The following PANK4 variants were observed in gnomAD, a reference collection of about 807,000 sequenced individuals.
PANK4 encodes pantothenate kinase 4 (inactive).
A neutral mutation model predicts 87.9 loss-of-function variants in PANK4; 40 were observed. The ratio of observed to expected loss-of-function variants is 0.46; its 90% CI spans 0.35 to 0.59. The LOEUF is 0.59. Among genes scored for constraint, PANK4 ranks in the 20% least tolerant of loss-of-function variants. PANK4 has a pLI of 0.00. For missense variants in PANK4, 926 were observed against 1,072.3 expected (o/e 0.86, Z 1.90); for synonymous variants, 524 against 467.4 (o/e 1.12, Z -1.56).
chr1:2,517,014 C>T (rs952773156), intron 9 of PANK4, among the ~76,000 whole-genome samples: 5 of 152,232 alleles, frequency 3.3e-5, no homozygotes, highest in African/African-American at 9.6e-5. Flanking sequence ...CTGAACGGGG[C>T]CCCCGAAGCA....
chr1:2,518,506 C>T lies in PANK4; in HGVS notation c.1117+10G>A, dbSNP rs377322433. On this transcript the variant is annotated intron_variant, in intron 8 of 18. Transcript: ENST00000378466. ...CCACGCTGCTCAGGGGCGCCAGCAC[C>T]GCGACTCACTGTCCTGCTCAGCTCC... is the stretch of plus-strand genomic sequence containing the variant. 751 of 1,555,666 alleles carry T rather than the reference C, an allele frequency of 4.8e-4. 2 individuals are homozygous for T. The highest frequency in any genetic ancestry group is 5.5e-4 in the Non-Finnish European group (635 of 1,148,894).
At chr1:2,511,197 G>C (rs1435817429) in intron 15 of PANK4, 141 bp downstream of exon 15, 9 of 681,994 alleles carry the variant, frequency 1.3e-5, no homozygotes, top group Non-Finnish European at 2.4e-5. Flanking sequence ...GGGATGCTGA[G>C]ACCCTTGGCT....
In PANK4 at chr1:2,519,248, G is replaced by C. The variant is rs746953629; in HGVS notation, c.930C>G (p.His310Gln). The C allele has an allele frequency of 1.2e-6, 2 of 1,612,490 alleles. No individual in the cohort carries two copies. Among genetic ancestry groups the C allele is most frequent in the Non-Finnish European group, 1.7e-6 (2 of 1,179,750 alleles). ...CGCGGTCCAGGCTGTGCAGCCGTGC[G>C]TGGAGGCAGGCCAGCTGCCCAATGT... Reference protein sequence around the residue: ...SNDIGQLACLHARLHSLDRVY... With the variant: ...SNDIGQLACLQARLHSLDRVY... Residue 310 changes from histidine (H) to glutamine (Q), a missense_variant, in exon 7 of 19, where the codon CAC becomes CAG. Coordinates refer to ENST00000378466, the MANE Select transcript of PANK4 (RefSeq NM_018216.4). The surrounding 1 kb of genome is among the most constrained non-coding windows in gnomAD (Gnocchi z 8.3).
Position 2,510,721 on chromosome 1 carries a change from C to A in PANK4, c.1895G>T (p.Gly632Val). 6.2e-7 allele frequency: 1 copy of A among 1,612,380 alleles called. No individual in the cohort carries two copies. Among genetic ancestry groups the A allele is most frequent in the Admixed American group, 1.7e-5 (1 of 60,006 alleles). ...TAGCTCCCTGACAAAGGGGAAGACT[C>A]CCAAAATGATGTCTATTCCACTGTT... ...ADNSGIDIIL[G>V]VFPFVRELLL... is the part of the protein sequence containing the mutation. The change falls in exon 16 of 19, where the codon GGA (glycine) becomes GTA (valine). Residue 632 changes from glycine (G) to valine (V), a missense_variant. Physicochemically the swap from Gly to Val is moderately radical, Grantham distance 109 (BLOSUM62 -3). Transcript: ENST00000378466. The surrounding 1 kb of genome is among the most constrained non-coding windows in gnomAD (Gnocchi z 4.9).
In PANK4 at chr1:2,515,272, G is replaced by C; in HGVS notation, c.1374+290C>G. The C allele has an allele frequency of 1.6e-6, 1 of 616,706 alleles. No individual in the cohort carries two copies. The highest frequency in any genetic ancestry group is 1.5e-5 in the South Asian group (1 of 66,002). 38.2% of individuals were successfully genotyped at this position (616,706 alleles called of 1,614,324 possible). A position where few individuals can be genotyped will look rare whatever the true frequency, so the allele number is the denominator to read the frequency against. On this transcript the variant is annotated intron_variant, in intron 10 of 18. Transcript: ENST00000378466. This position sits in a 1 kb window ranked among gnomAD's most constrained non-coding sequence, Gnocchi z 5.0. ...CTCAGTCACACCTCAAAAGAGCAGA[G>C]ACGTCTCCTAAATTGCTTTTTGAAG...
chr1:2,521,731 T>C lies in PANK4; in HGVS notation c.194A>G (p.Asp65Gly), dbSNP rs766746506. ...GTGCAGGCTCACCTTTCCGGAGTGG[T>C]CGAAAGACCGCACCTTGGCGACTTT... ...QHKVAKVRSF[D>G]HSGKDTEREH... Residue 65 changes from aspartate (D) to glycine (G), a missense_variant, in exon 2 of 19, where the codon GAC becomes GGC. By Grantham distance (94) the Asp-to-Gly change is moderately conservative (BLOSUM62 -1). Transcript: ENST00000378466. 1.2e-6 allele frequency: 2 copies of C among 1,613,830 alleles called. No homozygotes were observed. The highest frequency in any genetic ancestry group is 1.1e-5 in the South Asian group (1 of 91,074).
At chr1:2,526,287 C>T (rs1643922699) in intron 1 of PANK4, 177 bp downstream of exon 1, 1 of 194,338 alleles carries the variant, frequency 5.1e-6, no homozygotes, top group Non-Finnish European at 9.4e-6. Flanking sequence ...ATCAGCGACC[C>T]TGCGGACTAC....
chr1:2,518,131 T>C (rs1379722215), intron 9 of PANK4, 33 bp downstream of exon 9: 3 of 1,427,984 alleles, frequency 2.1e-6, no homozygotes, highest in South Asian at 2.4e-5. Context: ...GCTGCTCCCC[T>C]GGGGCCCGGG....
chr1:2,514,621 G>A (rs1221076593), intron 10 of PANK4, among the ~76,000 whole-genome samples, 155 bp from the exon 11 acceptor site: 1 of 144,108 alleles, frequency 6.9e-6, no homozygotes, highest in Non-Finnish European at 1.5e-5. Flanking sequence ...GGTGCAGGGT[G>A]GGAGCCGGCT....
In PANK4 at chr1:2,520,363, C is replaced by T. The variant is rs768815575; in HGVS notation, c.658G>A (p.Gly220Ser). ...EWVGGSSIGGGTFWGLGALLT... is the reference protein window; with the variant it reads ...EWVGGSSIGGSTFWGLGALLT... ...AGAGCGCCAAGCCCCCAGAAGGTGC[C>T]GCCTCCAATGGAGCTGCCGCCGACC... Residue 220 changes from glycine to serine, a missense_variant, in exon 5 of 19, where the codon GGC becomes AGC. Physicochemically the swap from Gly to Ser is moderately conservative, Grantham distance 56. Transcript: ENST00000378466. This position sits in a 1 kb window ranked among gnomAD's most constrained non-coding sequence, Gnocchi z 6.2. 2 of 1,612,928 alleles carry T rather than the reference C, an allele frequency of 1.2e-6. No homozygotes were observed. The highest frequency in any genetic ancestry group is 2.2e-5 in the East Asian group (1 of 44,880).
chr1:2,510,249 G>T lies in PANK4; in HGVS notation c.1939-92C>A. ...CGGCCTTCGAGTGGCTGGGCTGGGTGAGGGTGCTGTGCCCAGCGGGCCTGG... is the reference window on the plus strand; with the variant it reads ...CGGCCTTCGAGTGGCTGGGCTGGGTTAGGGTGCTGTGCCCAGCGGGCCTGG... On this transcript the variant is annotated intron_variant, in intron 16 of 18. Coordinates refer to ENST00000378466, the MANE Select transcript of PANK4 (RefSeq NM_018216.4). The surrounding 1 kb of genome is among the most constrained non-coding windows in gnomAD (Gnocchi z 4.9). 1.2e-6 allele frequency: 1 copy of T among 856,922 alleles called. No individual in the cohort carries two copies. Among genetic ancestry groups the T allele is most frequent in the Non-Finnish European group, 1.9e-6 (1 of 517,618 alleles). The allele number at this position is 856,922 out of a possible 1,614,324, so 53.1% of individuals were successfully genotyped here.
intron 15 of PANK4, 59 bp downstream of exon 15, chr1:2,511,279 C>A: frequency 2.4e-6 from 3 of 1,264,170 alleles, no homozygotes; most frequent in Non-Finnish European, 3.5e-6. Context: ...CCTCCAGTGA[C>A]CACCCCCCCG....
Position 2,510,215 on chromosome 1 carries a change from C to A in PANK4, c.1939-58G>T, listed in dbSNP as rs897234088. On this transcript the variant is annotated intron_variant, in intron 16 of 18. Transcript: ENST00000378466. The surrounding 1 kb of genome is among the most constrained non-coding windows in gnomAD (Gnocchi z 4.9). ...CTGTGCTGGCCCAGCATGGAGCCTG[C>A]GTGCACCCCGGCCTTCGAGTGGCTG... The A allele has an allele frequency of 8.8e-7, 1 of 1,130,226 alleles. No homozygotes were observed. Among genetic ancestry groups the A allele is most frequent in the Non-Finnish European group, 1.3e-6 (1 of 764,386 alleles). 70.0% of individuals were successfully genotyped at this position (1,130,226 alleles called of 1,614,324 possible).
At position 2,518,528 on chromosome 1, in the gene PANK4, C is replaced by T; in HGVS notation, c.1105G>A (p.Ala369Thr). ...LGAIGAFLKG[A>T]EQDNPNQYSW... ...CACCGCGACTCACTGTCCTGCTCAG[C>T]TCCTTTCAGGAACGCTCCGATGGCT... Residue 369 changes from alanine (A) to threonine (T), a missense_variant, in exon 8 of 19, where the codon GCT becomes ACT. Coordinates refer to ENST00000378466, the MANE Select transcript of PANK4 (RefSeq NM_018216.4). The T allele has an allele frequency of 6.4e-7, 1 of 1,566,786 alleles. No homozygotes were observed. The highest frequency in any genetic ancestry group is 8.7e-7 in the Non-Finnish European group (1 of 1,155,518).
At chr1:2,517,588 G>A (rs1347460790) in intron 9 of PANK4, among the ~76,000 whole-genome samples, 3 of 152,228 alleles carry the variant, frequency 2.0e-5, no homozygotes, top group African/African-American at 4.8e-5. Flanking sequence ...CGCAGGTCCT[G>A]GCGGGGGACC....
chr1:2,514,493 G>A, intron 10 of PANK4, 27 bp from the exon 11 acceptor site: 1 of 1,545,962 alleles, frequency 6.5e-7, no homozygotes, highest in Middle Eastern at 1.9e-4. Flanking sequence ...GAGGGGGTTA[G>A]TCAAGCGCTG....
At position 2,521,147 on chromosome 1, in the gene PANK4, C is replaced by T; in HGVS notation, c.376G>A (p.Gly126Arg). ...ATGAGGTCTTTGAACTTGTAGGCCC[C>T]GCCCCCGGTCGCCTGGATGACCTTG... ...ETKVIQATGG[G>R]AYKFKDLIEE... Residue 126 changes from glycine to arginine, a missense_variant, in exon 3 of 19, where the codon GGG (glycine) becomes AGG (arginine). Physicochemically the swap from Gly to Arg is moderately radical, Grantham distance 125. Transcript: ENST00000378466. 3 of 1,613,940 alleles carry T rather than the reference C, an allele frequency of 1.9e-6. No homozygotes were observed. The highest frequency in any genetic ancestry group is 1.7e-6 in the Non-Finnish European group (2 of 1,179,992).
intron 9 of PANK4, among the ~76,000 whole-genome samples, chr1:2,517,508 G>C (rs1643802591): frequency 6.6e-6 from 1 of 152,250 alleles, no homozygotes; most frequent in Non-Finnish European, 1.5e-5. Context: ...CACGGTCGAG[G>C]ACCCTGACAG....
chr1:2,514,852 A>T (rs1445484599), intron 10 of PANK4, among the ~76,000 whole-genome samples: 1 of 151,956 alleles, frequency 6.6e-6, no homozygotes, highest in East Asian at 1.9e-4. Flanking sequence ...CAGGAGCAGG[A>T]GTGACCTTGG....
Sources: gnomAD v4.1 joint callset for allele counts (sites outside exome capture counted in the v4.1 genomes callset) on GRCh38, gnomAD v4.1.1 for gene constraint, Gnocchi (gnomAD v3.1) non-coding constraint, MANE v1.5 for transcripts, NCBI Gene and HGNC (gene_info 2026-07-23, HGNC 2026-07-21) for gene names.